FKTN: variants seen among roughly 807,000 people sequenced by gnomAD.
FKTN encodes fukutin.
FKTN carries 47 observed loss-of-function variants against 58.6 expected under a neutral mutation model. The observed-to-expected ratio is 0.80, with a 90% CI of 0.63 to 1.02. The LOEUF (loss-of-function observed/expected upper bound fraction) is 1.02. Ranked by LOEUF, FKTN falls within the 50% of genes least tolerant of loss-of-function variation. FKTN has a pLI of 0.00. For synonymous variants in FKTN, 178 were observed against 191.9 expected, an observed-to-expected ratio of 0.93 and a Z score of 0.60; for missense variants, 516 against 537.3, an observed-to-expected ratio of 0.96 and a Z score of 0.39.
intron 1 of FKTN, among the ~76,000 whole-genome samples, chr9:105,561,866 T>C (rs1838355532): frequency 1.3e-5 from 2 of 151,860 alleles, no homozygotes; most frequent in South Asian, 2.1e-4. Flanking sequence ...AGGGAAGATT[T>C]GATAGTAGCT....
intron 7 of FKTN, among the ~76,000 whole-genome samples, chr9:105,608,289 T>C (rs2132915251): frequency 6.6e-6 from 1 of 152,364 alleles, no homozygotes; most frequent in Middle Eastern, 3.4e-3. Context: ...AAAGCCACTA[T>C]AGAAGATGGA....
At position 105,639,778 on chromosome 9, in the gene FKTN, T is replaced by G; in HGVS notation, c.*4514T>G. ...AATAGAACTTGTATTTTCATTTTCT[T>G]GGTTAAGCAGTTGTCTCCTAATATT... On this transcript the variant is annotated 3_prime_UTR_variant, in exon 11 of 11. Coordinates refer to ENST00000357998, the MANE Select transcript of FKTN (RefSeq NM_001079802.2). 1 of 1,100,742 alleles carries G rather than the reference T, an allele frequency of 9.1e-7. No homozygotes were observed. Among genetic ancestry groups the G allele is most frequent in the Non-Finnish European group, 1.1e-6 (1 of 904,156 alleles). 68.2% of individuals were successfully genotyped at this position (1,100,742 alleles called of 1,614,324 possible).
intron 10 of FKTN, among the ~76,000 whole-genome samples, chr9:105,621,887 C>G (rs1164253085): frequency 6.6e-6 from 1 of 152,004 alleles, no homozygotes; most frequent in Non-Finnish European, 1.5e-5. Flanking sequence ...CTATCTCTGT[C>G]CATATGTCTT....
At chr9:105,588,642 A>G (rs1844328553) in intron 3 of FKTN, among the ~76,000 whole-genome samples, 1 of 152,242 alleles carries the variant, frequency 6.6e-6, no homozygotes, top group African/African-American at 2.4e-5. Flanking sequence ...TCTGTTCTCT[A>G]GTATCTAGCC....
intron 3 of FKTN, among the ~76,000 whole-genome samples, chr9:105,579,471 C>A (rs540012409): frequency 1.3e-5 from 2 of 151,510 alleles, no homozygotes; most frequent in Admixed American, 1.3e-4. Flanking sequence ...TGTAGTTGAG[C>A]GGCTTTGAGT....
intron 1 of FKTN, among the ~76,000 whole-genome samples, chr9:105,559,712 A>C (rs1455693080): frequency 6.6e-6 from 1 of 152,104 alleles, no homozygotes; most frequent in Non-Finnish European, 1.5e-5. Context: ...AATTTTGAAC[A>C]TGTTAAATTT....
chr9:105,584,737 T>G (rs1483499600), intron 3 of FKTN, among the ~76,000 whole-genome samples: 1 of 152,100 alleles, frequency 6.6e-6, no homozygotes, highest in Non-Finnish European at 1.5e-5. Flanking sequence ...AGAGGATCAC[T>G]TGAGCTTGGG....
At chr9:105,597,046 T>A (rs996564603) in intron 4 of FKTN, among the ~76,000 whole-genome samples, 2 of 152,170 alleles carry the variant, frequency 1.3e-5, no homozygotes, top group Non-Finnish European at 2.9e-5. Context: ...GGAATAAAAA[T>A]CTATTCAACC....
Position 105,637,595 on chromosome 9 carries a change from G to C in FKTN, c.*2331G>C. 1 of 985,410 alleles carries C rather than the reference G, an allele frequency of 1.0e-6. No individual in the cohort carries two copies. Among genetic ancestry groups the C allele is most frequent in the South Asian group, 4.7e-5 (1 of 21,286 alleles). The allele number at this position is 985,410 out of a possible 1,614,324, so 61.0% of individuals were successfully genotyped here. On this transcript the variant is annotated 3_prime_UTR_variant, in exon 11 of 11. Transcript: ENST00000357998. ...CTTGGGTTAGGTATATCCATCTTCA[G>C]TACCTCATTGGATCACTTTTCTTTC...
intron 10 of FKTN, among the ~76,000 whole-genome samples, chr9:105,622,030 T>G (rs762637685): frequency 1.3e-5 from 2 of 152,132 alleles, no homozygotes; most frequent in Non-Finnish European, 2.9e-5. Context: ...CCAATTTATA[T>G]TCTCAACCAC....
chr9:105,637,772 G>T lies in FKTN; in HGVS notation c.*2508G>T, dbSNP rs886063330. On this transcript the variant is annotated 3_prime_UTR_variant, in exon 11 of 11. Transcript: ENST00000357998. ...CTGAGAGGCAAGATTCCTCTTAATT[G>T]ATAACCAGGACAACCAGGTAGTCAC... 1.8e-4 allele frequency: 182 copies of T among 985,348 alleles called. 1 individual carries two copies. The Middle Eastern group carries it at 6.8e-3, about 37-fold the overall frequency. 61.0% of individuals were successfully genotyped at this position (985,348 alleles called of 1,614,324 possible). A position where few individuals can be genotyped will look rare whatever the true frequency, so the allele number is the denominator to read the frequency against.
chr9:105,605,692 T>A lies in FKTN; in HGVS notation c.647+1200T>A, dbSNP rs528027527. ...TATTTGTGGGAGTGAAAAATGAAAATAACTGAACTCATGGAGATAGAGAGT... is the reference window on the plus strand; with the variant it reads ...TATTTGTGGGAGTGAAAAATGAAAAAAACTGAACTCATGGAGATAGAGAGT... On this transcript the variant is annotated intron_variant, in intron 6 of 10. Coordinates refer to ENST00000357998, the MANE Select transcript of FKTN (RefSeq NM_001079802.2). 2.7e-4 allele frequency among the ~76,000 whole-genome samples: 41 copies of A among 151,962 alleles called. No individual in the cohort carries two copies. In the East Asian group the frequency reaches 7.9e-3, roughly 29 times the overall value.
At chr9:105,580,779 T>C (rs1382306676) in intron 3 of FKTN, among the ~76,000 whole-genome samples, 38 of 33,470 alleles carry the variant, frequency 1.1e-3, no homozygotes, top group Admixed American at 2.4e-3. Context: ...CTTGGTTCCA[T>C]TCTCCCCATC....
intron 1 of FKTN, among the ~76,000 whole-genome samples, chr9:105,563,160 A>T (rs1356989706): frequency 6.6e-6 from 1 of 152,218 alleles, no homozygotes; most frequent in Non-Finnish European, 1.5e-5. Context: ...AAGCTGAAAG[A>T]ATATGCAGTG....
chr9:105,639,874 C>T lies in FKTN; in HGVS notation c.*4610C>T. The T allele has an allele frequency of 7.2e-7, 1 of 1,392,142 alleles. No individual in the cohort carries two copies. Among genetic ancestry groups the T allele is most frequent in the Non-Finnish European group, 9.3e-7 (1 of 1,076,724 alleles). The allele number at this position is 1,392,142 out of a possible 1,614,324, so 86.2% of individuals were successfully genotyped here. A position where few individuals can be genotyped will look rare whatever the true frequency, so the allele number is the denominator to read the frequency against. ...CTTCACTAGATTTGGTACCTGCTCTCCCCTGGACTTCTTTTTCAATATTCT... is the reference window on the plus strand; with the variant it reads ...CTTCACTAGATTTGGTACCTGCTCTTCCCTGGACTTCTTTTTCAATATTCT... On this transcript the variant is annotated 3_prime_UTR_variant, in exon 11 of 11. Transcript: ENST00000357998.
At chr9:105,572,422 C>G (rs1840900710) in intron 1 of FKTN, among the ~76,000 whole-genome samples, 1 of 152,066 alleles carries the variant, frequency 6.6e-6, no homozygotes, top group South Asian at 2.1e-4. Flanking sequence ...TACATCTTTG[C>G]TGAGACTAGA....
chr9:105,558,497 CT>C (rs1276323597), intron 1 of FKTN, among the ~76,000 whole-genome samples: 1 of 152,098 alleles, frequency 6.6e-6, no homozygotes, highest in Non-Finnish European at 1.5e-5. Context: ...GACCCCTGAC[CT>C]CAGGTTATCC....
intron 1 of FKTN, among the ~76,000 whole-genome samples, chr9:105,571,695 C>T (rs914283223): frequency 6.6e-6 from 1 of 152,260 alleles, no homozygotes; most frequent in South Asian, 2.1e-4. Flanking sequence ...TAGGAATCAG[C>T]ATAGAATACA....
intron 9 of FKTN, among the ~76,000 whole-genome samples, chr9:105,618,988 G>A (rs915707396): frequency 6.6e-6 from 1 of 151,844 alleles, no homozygotes; most frequent in African/African-American, 2.4e-5. Flanking sequence ...GAACCTGGGA[G>A]GCGGAGCTTG....
Sources: allele counts gnomAD v4.1 joint callset (sites outside exome capture counted in the v4.1 genomes callset), GRCh38; gene constraint gnomAD v4.1.1; transcripts MANE v1.5; gene names NCBI Gene and HGNC (gene_info 2026-07-23, HGNC 2026-07-21).